Variants in TMEM45A observed in about 807,000 individuals in gnomAD.
TMEM45A encodes DNA polymerase-transactivated protein 4.
A neutral mutation model predicts 32.0 loss-of-function variants in TMEM45A; 25 were observed. The ratio of observed to expected loss-of-function variants is 0.78; its 90% CI spans 0.57 to 1.09. TMEM45A has a LOEUF of 1.09. Ranked by LOEUF, TMEM45A falls within the 50% of genes least tolerant of loss-of-function variation. The pLI, the probability that TMEM45A is intolerant of heterozygous loss-of-function variation, is 0.00. For missense variants in TMEM45A, 302 were observed against 325.0 expected, an observed-to-expected ratio of 0.93 and a Z score of 0.54; for synonymous variants, 122 against 114.8, an observed-to-expected ratio of 1.06 and a Z score of -0.40.
chr3:100,526,753 A>G (rs988414182), intron 1 of TMEM45A, among the ~76,000 whole-genome samples: 1 of 152,222 alleles, frequency 6.6e-6, no homozygotes, highest in Non-Finnish European at 1.5e-5. Flanking sequence ...TTAGATTGCA[A>G]CAGACTGGTC....
intron 5 of TMEM45A, chr3:100,573,776 C>T (rs1178946923): frequency 1.3e-5 from 2 of 152,180 alleles, no homozygotes; most frequent in Non-Finnish European, 2.9e-5. Context: ...TACGTCCCAT[C>T]AATACCTAAT....
rs556169625 is a variant in TMEM45A, at chr3:100,514,357, G to GA, written c.-4+21434dup. On this transcript the variant is annotated intron_variant, in intron 1 of 5. Transcript: ENST00000323523. Reference sequence around the variant, plus strand: ...ACTATCTGATCTTTGACAAACCTGAGAAAAACAAGCAATGGGGAAAGGATT... The same window carrying GA: ...ACTATCTGATCTTTGACAAACCTGAGAAAAAACAAGCAATGGGGAAAGGATT... Among the ~76,000 whole-genome samples the GA allele has an allele frequency of 1.3e-4, 20 of 152,130 alleles. No individual in the cohort carries two copies. In the East Asian group the frequency reaches 3.7e-3, roughly 28 times the overall value.
In TMEM45A at chr3:100,555,236, C is replaced by G; in HGVS notation, c.25C>G (p.Leu9Val). The G allele has an allele frequency of 6.2e-7, 1 of 1,605,326 alleles. No individual in the cohort carries two copies. Among genetic ancestry groups the G allele is most frequent in the African/African-American group, 1.3e-5 (1 of 74,602 alleles). MGNFRGHA[L>V]PGTFFFIIGL... is the part of the protein sequence containing the mutation. ...CATGGGGAATTTCAGAGGTCATGCC[C>G]TCCCTGGAACCTTCTTTTTTATTAT... Residue 9 changes from leucine (L) to valine (V), a missense_variant, in exon 2 of 6, where the codon CTC becomes GTC. Transcript: ENST00000323523.
intron 4 of TMEM45A, among the ~76,000 whole-genome samples, chr3:100,560,985 T>C (rs917054384): frequency 6.1e-4 from 93 of 152,198 alleles, no homozygotes; most frequent in African/African-American, 2.9e-4. Context: ...AAATCCGTGA[T>C]TATTTAGAAA....
At chr3:100,504,804 C>T (rs764624545) in intron 1 of TMEM45A, among the ~76,000 whole-genome samples, 1 of 152,208 alleles carries the variant, frequency 6.6e-6, no homozygotes, top group Admixed American at 6.5e-5. Context: ...GCAGCGAGAG[C>T]CATGCCACTA....
chr3:100,547,817 A>T (rs1706009582), intron 1 of TMEM45A, among the ~76,000 whole-genome samples: 1 of 152,196 alleles, frequency 6.6e-6, no homozygotes, highest in Admixed American at 6.5e-5. Context: ...CTACTGACAA[A>T]CAATCCAGAC....
intron 1 of TMEM45A, among the ~76,000 whole-genome samples, chr3:100,494,805 AC>A (rs913113690): frequency 2.6e-5 from 4 of 152,166 alleles, no homozygotes; most frequent in African/African-American, 9.6e-5. Flanking sequence ...ACAGTAACTT[AC>A]CTAGGGCAAG....
chr3:100,528,033 C>A (rs1043229229), intron 1 of TMEM45A, among the ~76,000 whole-genome samples: 1 of 152,210 alleles, frequency 6.6e-6, no homozygotes. Flanking sequence ...TTTGAATAAA[C>A]AACACGTGCA....
At chr3:100,496,399 G>A (rs924317928) in intron 1 of TMEM45A, among the ~76,000 whole-genome samples, 2 of 152,216 alleles carry the variant, frequency 1.3e-5, no homozygotes, top group African/African-American at 4.8e-5. Flanking sequence ...GGCAAAGGCA[G>A]TTTAAGAAAT....
At chr3:100,509,933 G>A (rs1224457201) in intron 1 of TMEM45A, among the ~76,000 whole-genome samples, 1 of 152,214 alleles carries the variant, frequency 6.6e-6, no homozygotes, top group African/African-American at 2.4e-5. Context: ...CGGCGCACCA[G>A]GAGATTATAT....
intron 1 of TMEM45A, among the ~76,000 whole-genome samples, chr3:100,516,224 T>C (rs1479054141): frequency 6.6e-6 from 1 of 152,168 alleles, no homozygotes; most frequent in Non-Finnish European, 1.5e-5. Flanking sequence ...GACATGATAG[T>C]AGGAAGTCTC....
At chr3:100,516,447 G>A (rs1248658489) in intron 1 of TMEM45A, among the ~76,000 whole-genome samples, 1 of 152,196 alleles carries the variant, frequency 6.6e-6, no homozygotes, top group African/African-American at 2.4e-5. Flanking sequence ...TTGGTTCTCA[G>A]ATGGGAGTTG....
intron 1 of TMEM45A, among the ~76,000 whole-genome samples, chr3:100,514,980 G>A (rs1708235709): frequency 6.6e-6 from 1 of 150,734 alleles, no homozygotes; most frequent in Non-Finnish European, 1.5e-5. Flanking sequence ...GGAAACAACA[G>A]GTGCTGGAGA....
chr3:100,499,976 C>T (rs1272739910), intron 1 of TMEM45A, among the ~76,000 whole-genome samples: 1 of 152,062 alleles, frequency 6.6e-6, no homozygotes. Flanking sequence ...TTTTTTAAAA[C>T]TATTTTTACC....
intron 1 of TMEM45A, among the ~76,000 whole-genome samples, chr3:100,523,204 G>A (rs146029811): frequency 3.3e-5 from 5 of 152,290 alleles, no homozygotes; most frequent in African/African-American, 9.6e-5. Context: ...TGTCATAGAC[G>A]TTCTGCTGAT....
At chr3:100,575,336 C>T (rs1306641710) in intron 5 of TMEM45A, among the ~76,000 whole-genome samples, 2 of 150,326 alleles carry the variant, frequency 1.3e-5, no homozygotes, top group Non-Finnish European at 3.0e-5. Context: ...AATTATAATC[C>T]GTGCTTCCCC....
intron 1 of TMEM45A, among the ~76,000 whole-genome samples, chr3:100,515,360 C>T (rs1259206128): frequency 2.0e-5 from 3 of 151,408 alleles, no homozygotes; most frequent in African/African-American, 4.8e-5. Flanking sequence ...TCATCATTCT[C>T]AGTAAACTAT....
chr3:100,528,022 T>C (rs566360983), intron 1 of TMEM45A, among the ~76,000 whole-genome samples: 2 of 152,314 alleles, frequency 1.3e-5, no homozygotes, highest in Admixed American at 1.3e-4. Flanking sequence ...GAAATTTGAA[T>C]TTTGAATAAA....
chr3:100,568,990 T>A (rs1349035339), intron 5 of TMEM45A, 23 bp downstream of exon 5: 1 of 1,603,426 alleles, frequency 6.2e-7, no homozygotes, highest in Admixed American at 1.7e-5. Flanking sequence ...TTTCTGTTAA[T>A]GGAAGTTCTG....
Sources: allele counts gnomAD v4.1 joint callset (sites outside exome capture counted in the v4.1 genomes callset), GRCh38; gene constraint gnomAD v4.1.1; transcripts MANE v1.5; gene names NCBI Gene and HGNC (gene_info 2026-07-23, HGNC 2026-07-21).